Variants in LDB2 observed in about 807,000 individuals in gnomAD.
The protein encoded by LDB2 is LIM domain-binding protein 2.
Under a neutral mutation model 44.3 loss-of-function variants are expected in LDB2, and 12 were observed. That is an observed-to-expected ratio of 0.27 (90% CI 0.17 to 0.44). LDB2 has a LOEUF of 0.44. Ranked by LOEUF, LDB2 falls within the 20% of genes least tolerant of loss-of-function variation. The pLI, the probability that LDB2 is intolerant of heterozygous loss-of-function variation, is 1.00. For missense variants in LDB2, 344 were observed against 473.5 expected, an observed-to-expected ratio of 0.73 and a Z score of 2.54; for synonymous variants, 164 against 174.8, an observed-to-expected ratio of 0.94 and a Z score of 0.49.
chr4:16,893,018 A>C, intron 1 of LDB2: 3 of 803,006 alleles, frequency 3.7e-6, no homozygotes, highest in Non-Finnish European at 4.5e-6. Context: ...CATAGTAAGA[A>C]AATGGGGGAA....
At chr4:16,545,214 T>C (rs1333141664) in intron 5 of LDB2, among the ~76,000 whole-genome samples, 1 of 151,410 alleles carries the variant, frequency 6.6e-6, no homozygotes, top group African/African-American at 2.4e-5. Context: ...CCTTCTGTTT[T>C]TTCCCCCCTC....
At chr4:16,552,570 T>C (rs1487182635) in intron 5 of LDB2, among the ~76,000 whole-genome samples, 3 of 152,170 alleles carry the variant, frequency 2.0e-5, no homozygotes, top group Admixed American at 1.3e-4. Context: ...ATTACTCTTC[T>C]CTTTTTTAAT....
At position 16,692,065 on chromosome 4, in the gene LDB2, T is replaced by C. The variant is rs112956795; in HGVS notation, c.235+67093A>G. ...ACATCCTGAGAACCACAGTACAGTA[T>C]TGAATTATCATAAACACAGATTGAA... On this transcript the variant is annotated intron_variant, in intron 2 of 7. Coordinates refer to ENST00000304523, the MANE Select transcript of LDB2 (RefSeq NM_001290.5). 9.7e-3 allele frequency among the ~76,000 whole-genome samples: 1,483 copies of C among 152,292 alleles called. 32 individuals are homozygous for C. Among genetic ancestry groups the C allele is most frequent in the African/African-American group, 0.034 (1,410 of 41,568 alleles).
intron 2 of LDB2, among the ~76,000 whole-genome samples, chr4:16,686,958 C>T (rs1415203418): frequency 1.3e-5 from 2 of 152,096 alleles, no homozygotes; most frequent in East Asian, 3.9e-4. Context: ...TCTTATTCCT[C>T]TTCCCTACTT....
At chr4:16,768,991 G>T (rs1770000408) in intron 1 of LDB2, among the ~76,000 whole-genome samples, 2 of 152,166 alleles carry the variant, frequency 1.3e-5, no homozygotes, top group Admixed American at 1.3e-4. Context: ...TTAGACTCAT[G>T]ACTGCTCCAT....
At chr4:16,535,561 C>A (rs773090212) in intron 5 of LDB2, among the ~76,000 whole-genome samples, 1 of 152,118 alleles carries the variant, frequency 6.6e-6, no homozygotes, top group Non-Finnish European at 1.5e-5. Flanking sequence ...ACACGGGCTG[C>A]GGAATACACC....
intron 5 of LDB2, among the ~76,000 whole-genome samples, chr4:16,558,864 G>A (rs905995116): frequency 1.9e-4 from 29 of 152,146 alleles, no homozygotes; most frequent in South Asian, 8.3e-4. Context: ...CAGATCTCTC[G>A]GCAGAAACTC....
intron 1 of LDB2, among the ~76,000 whole-genome samples, chr4:16,809,410 G>T (rs1350900738): frequency 1.3e-5 from 2 of 152,192 alleles, no homozygotes; most frequent in African/African-American, 4.8e-5. Flanking sequence ...AGGACTGAGG[G>T]TGAGAATCTG....
intron 1 of LDB2, among the ~76,000 whole-genome samples, chr4:16,812,631 ATGTGTG>A (rs5856389): frequency 2.5e-4 from 32 of 126,048 alleles, no homozygotes; most frequent in East Asian, 6.6e-4. Context: ...TATTAAATAT[ATGTGTG>A]TGTGTGTGTG....
chr4:16,856,492 C>T (rs1028145085), intron 1 of LDB2, among the ~76,000 whole-genome samples: 7 of 152,162 alleles, frequency 4.6e-5, no homozygotes, highest in East Asian at 1.9e-4. Flanking sequence ...AAAAACCACG[C>T]GGTAAATATC....
At chr4:16,782,213 G>C (rs1332961559) in intron 1 of LDB2, among the ~76,000 whole-genome samples, 1 of 152,162 alleles carries the variant, frequency 6.6e-6, no homozygotes, top group Non-Finnish European at 1.5e-5. Context: ...CCGCAATGCT[G>C]CTTCCTTCTC....
At position 16,563,429 on chromosome 4, in the gene LDB2, A is replaced by ATTTTTTTTTTTTTTTT. The variant is rs1169491759; in HGVS notation, c.615+22477_615+22492dup. ...TCAAAACCATCTCATCAGTCATCAG[A>ATTTTTTTTTTTTTTTT]TTTTTTTTTTTTTTTTTTTTTTTTT... On this transcript the variant is annotated intron_variant, in intron 5 of 7. Transcript: ENST00000304523. 8.6e-5 allele frequency among the ~76,000 whole-genome samples: 4 copies of ATTTTTTTTTTTTTTTT among 46,576 alleles called. 1 individual carries two copies. The highest frequency in any genetic ancestry group is 3.4e-4 in the Admixed American group (1 of 2,950). The allele number at this position is 46,576 out of a possible 152,430, so 30.6% of individuals were successfully genotyped here. A position where few individuals can be genotyped will look rare whatever the true frequency, so the allele number is the denominator to read the frequency against.
chr4:16,825,668 T>G (rs907140027), intron 1 of LDB2, among the ~76,000 whole-genome samples: 9 of 152,166 alleles, frequency 5.9e-5, no homozygotes, highest in Non-Finnish European at 8.8e-5. Context: ...TAGGTGGGAC[T>G]TCATGAAATG....
intron 2 of LDB2, among the ~76,000 whole-genome samples, chr4:16,723,340 GA>G (rs1758721056): frequency 6.6e-6 from 1 of 152,162 alleles, no homozygotes; most frequent in South Asian, 2.1e-4. Flanking sequence ...GCGGAAGATG[GA>G]AGGGCAAGAG....
intron 5 of LDB2, among the ~76,000 whole-genome samples, chr4:16,572,289 G>A (rs962450006): frequency 6.6e-6 from 1 of 152,136 alleles, no homozygotes; most frequent in Non-Finnish European, 1.5e-5. Context: ...GGGAGCAACA[G>A]ATCTGAGCTC....
chr4:16,761,322 T>A (rs1374515173), intron 1 of LDB2, among the ~76,000 whole-genome samples: 1 of 152,186 alleles, frequency 6.6e-6, no homozygotes, highest in African/African-American at 2.4e-5. Flanking sequence ...TACATTTCCC[T>A]GACAGTCTTT....
chr4:16,808,524 C>G (rs893343032), intron 1 of LDB2, among the ~76,000 whole-genome samples: 2 of 152,000 alleles, frequency 1.3e-5, no homozygotes, highest in African/African-American at 4.8e-5. Flanking sequence ...GATTATGAAC[C>G]CTTTATCTTT....
At chr4:16,648,330 A>G (rs979553035) in intron 2 of LDB2, among the ~76,000 whole-genome samples, 2 of 152,240 alleles carry the variant, frequency 1.3e-5, no homozygotes, top group African/African-American at 2.4e-5. Flanking sequence ...CTGATAAGAA[A>G]CACCATTGTA....
chr4:16,541,130 G>A lies in LDB2; in HGVS notation c.616-29026C>T, dbSNP rs183447338. Among the ~76,000 whole-genome samples the A allele has an allele frequency of 5.3e-5, 8 of 152,260 alleles. No individual in the cohort carries two copies. The East Asian group carries it at 1.5e-3, about 29-fold the overall frequency. On this transcript the variant is annotated intron_variant, in intron 5 of 7. Coordinates refer to ENST00000304523, the MANE Select transcript of LDB2 (RefSeq NM_001290.5). The stretch of plus-strand genomic sequence containing the variant: ...GGTGATCACCATGTGAAATGGTTTG[G>A]ATATATGTCCCCACCAAATCTCATG...
Sources: gnomAD v4.1 joint callset for allele counts (sites outside exome capture counted in the v4.1 genomes callset) on GRCh38, gnomAD v4.1.1 for gene constraint, MANE v1.5 for transcripts, NCBI Gene and HGNC (gene_info 2026-07-23, HGNC 2026-07-21) for gene names.